The following FEZ1 variants were observed in gnomAD, a reference collection of about 807,000 sequenced individuals.
FEZ1 encodes fasciculation and elongation protein zeta-1.
A neutral mutation model predicts 49.3 loss-of-function variants in FEZ1; 20 were observed. The observed-to-expected ratio is 0.41, with a 90% CI of 0.29 to 0.59. FEZ1 has a LOEUF of 0.59. FEZ1 is among the 20% of genes least tolerant of loss of function. The pLI, the probability that FEZ1 is intolerant of heterozygous loss-of-function variation, is 0.36. For synonymous variants in FEZ1, 170 were observed against 180.9 expected, an observed-to-expected ratio of 0.94 and a Z score of 0.48; for missense variants, 413 against 476.0, an observed-to-expected ratio of 0.87 and a Z score of 1.23.
intron 7 of FEZ1, chr11:125,452,878 G>T (rs1956970700): frequency 6.5e-6 from 1 of 154,334 alleles, no homozygotes; most frequent in African/African-American, 2.4e-5. Context: ...CCAGCATCAG[G>T]GCCTAGTGGG....
intron 9 of FEZ1, among the ~76,000 whole-genome samples, chr11:125,447,618 T>C (rs1238718290): frequency 6.6e-6 from 1 of 152,124 alleles, no homozygotes; most frequent in Non-Finnish European, 1.5e-5. Flanking sequence ...AGTCAGGAGT[T>C]TGAGACCACC....
intron 5 of FEZ1, among the ~76,000 whole-genome samples, chr11:125,457,225 T>G (rs969006555): frequency 2.7e-5 from 4 of 148,490 alleles, no homozygotes; most frequent in Admixed American, 6.8e-5. Context: ...AATAAAAACT[T>G]TATACCCTTT....
In FEZ1 at chr11:125,489,317, G is replaced by C. The variant is rs1282436385; in HGVS notation, c.311+150C>G. ...TGTAAAGGGACATATATAGAGCTATGACAGCAAGTACCAGGGCACTGCTCC... is the reference window on the plus strand; with the variant it reads ...TGTAAAGGGACATATATAGAGCTATCACAGCAAGTACCAGGGCACTGCTCC... On this transcript the variant is annotated intron_variant, in intron 2 of 9. Coordinates refer to ENST00000278919, the MANE Select transcript of FEZ1 (RefSeq NM_005103.5). The surrounding 1 kb of genome is among the most constrained non-coding windows in gnomAD (Gnocchi z 4.2). 3 of 1,414,408 alleles carry C rather than the reference G, an allele frequency of 2.1e-6. No individual in the cohort carries two copies. Among genetic ancestry groups the C allele is most frequent in the Non-Finnish European group, 2.8e-6 (3 of 1,085,766 alleles). 87.6% of individuals were successfully genotyped at this position (1,414,408 alleles called of 1,614,324 possible). A position where few individuals can be genotyped will look rare whatever the true frequency, so the allele number is the denominator to read the frequency against.
intron 3 of FEZ1, among the ~76,000 whole-genome samples, chr11:125,470,938 A>T (rs1293997883): frequency 6.6e-6 from 1 of 152,202 alleles, no homozygotes; most frequent in African/African-American, 2.4e-5. Flanking sequence ...AATATATGAC[A>T]ATTATAGCAC....
chr11:125,484,283 G>GA (rs1371973274), intron 2 of FEZ1, among the ~76,000 whole-genome samples: 7 of 152,218 alleles, frequency 4.6e-5, no homozygotes, highest in Admixed American at 1.3e-4. Flanking sequence ...ATGCTAATGA[G>GA]AAAAAAATTG....
At chr11:125,487,512 G>C (rs1957336316) in intron 2 of FEZ1, among the ~76,000 whole-genome samples, 1 of 152,182 alleles carries the variant, frequency 6.6e-6, no homozygotes, top group African/African-American at 2.4e-5. Flanking sequence ...TAAACCCCCA[G>C]AGCCATTCTT....
intron 5 of FEZ1, 94 bp from the exon 6 acceptor site, chr11:125,456,200 G>T: frequency 8.3e-7 from 1 of 1,206,600 alleles, no homozygotes; most frequent in Non-Finnish European, 1.2e-6. Context: ...AGATGGGACT[G>T]CCCCTCAGAG....
intron 4 of FEZ1, among the ~76,000 whole-genome samples, chr11:125,461,605 T>TCAA (rs1246009662): frequency 1.3e-5 from 2 of 152,150 alleles, no homozygotes; most frequent in African/African-American, 4.8e-5. Flanking sequence ...AGATCCTGTT[T>TCAA]CAACAACAAC....
chr11:125,460,260 G>T, intron 5 of FEZ1: 1 of 421,550 alleles, frequency 2.4e-6, no homozygotes. Context: ...TTCTGCCTTA[G>T]TCTTGTTCTT....
intron 2 of FEZ1, among the ~76,000 whole-genome samples, chr11:125,484,697 A>G (rs981332116): frequency 4.6e-5 from 7 of 151,786 alleles, no homozygotes; most frequent in Non-Finnish European, 8.8e-5. Flanking sequence ...AAGAAAAAAA[A>G]AAAGAAACTG....
At chr11:125,471,943 C>G (rs1005919339) in intron 3 of FEZ1, among the ~76,000 whole-genome samples, 1 of 151,942 alleles carries the variant, frequency 6.6e-6, no homozygotes, top group African/African-American at 2.4e-5. Flanking sequence ...AATTAGAAAT[C>G]AATTTTTAAC....
At chr11:125,446,473 T>C (rs1401043422) in intron 9 of FEZ1, among the ~76,000 whole-genome samples, 6 of 152,212 alleles carry the variant, frequency 3.9e-5, no homozygotes, top group Non-Finnish European at 8.8e-5. Flanking sequence ...ATTAATCACT[T>C]GTACAAATTC....
intron 1 of FEZ1, among the ~76,000 whole-genome samples, chr11:125,493,369 A>G (rs1322406628): frequency 9.9e-5 from 3 of 30,220 alleles, no homozygotes. Context: ...GAGAAAAGAA[A>G]GAAAGAAAGA....
At position 125,489,897 on chromosome 11, in the gene FEZ1, C is replaced by A; in HGVS notation, c.-45-75G>T. ...TAATAGAGTTAACTTTAGAGACACACCTGCTTCCAATTCCCTACTCCAAAA... is the reference window on the plus strand; with the variant it reads ...TAATAGAGTTAACTTTAGAGACACAACTGCTTCCAATTCCCTACTCCAAAA... On this transcript the variant is annotated intron_variant, in intron 1 of 9. Coordinates refer to ENST00000278919, the MANE Select transcript of FEZ1 (RefSeq NM_005103.5). The surrounding 1 kb of genome is among the most constrained non-coding windows in gnomAD (Gnocchi z 4.2). The A allele has an allele frequency of 7.8e-7, 1 of 1,283,850 alleles. No individual in the cohort carries two copies. The highest frequency in any genetic ancestry group is 1.0e-6 in the Non-Finnish European group (1 of 983,484). The allele number at this position is 1,283,850 out of a possible 1,614,324, so 79.5% of individuals were successfully genotyped here. A position where few individuals can be genotyped will look rare whatever the true frequency, so the allele number is the denominator to read the frequency against.
At chr11:125,460,082 A>G (rs1403144664) in intron 5 of FEZ1, among the ~76,000 whole-genome samples, 1 of 152,096 alleles carries the variant, frequency 6.6e-6, no homozygotes, top group Non-Finnish European at 1.5e-5. Context: ...GGTGACAGAC[A>G]GAGAGAGACT....
rs547232851 is a variant in FEZ1, at chr11:125,445,875, G to T, written c.*220C>A. ...CCTTCCCCTCTCCTGACACCAGCAA[G>T]GGGGAGGCACCATCACCGGCCCTGC... is the stretch of plus-strand genomic sequence containing the variant. On this transcript the variant is annotated 3_prime_UTR_variant, in exon 10 of 10. Coordinates refer to ENST00000278919, the MANE Select transcript of FEZ1 (RefSeq NM_005103.5). This position sits in a 1 kb window ranked among gnomAD's most constrained non-coding sequence, Gnocchi z 4.4. 7 of 594,680 alleles carry T rather than the reference G, an allele frequency of 1.2e-5. No individual in the cohort carries two copies. The South Asian group carries it at 1.2e-4, about 10-fold the overall frequency. 36.8% of individuals were successfully genotyped at this position (594,680 alleles called of 1,614,324 possible). A position where few individuals can be genotyped will look rare whatever the true frequency, so the allele number is the denominator to read the frequency against.
intron 5 of FEZ1, among the ~76,000 whole-genome samples, chr11:125,456,620 T>C (rs1957013518): frequency 6.6e-6 from 1 of 152,164 alleles, no homozygotes; most frequent in Non-Finnish European, 1.5e-5. Flanking sequence ...TCGCAGTGCA[T>C]GTATTCAAAA....
intron 9 of FEZ1, 141 bp from the exon 10 acceptor site, chr11:125,446,252 A>C: frequency 1.3e-6 from 1 of 748,882 alleles, no homozygotes; most frequent in South Asian, 1.5e-5. Context: ...AGAATAAGGG[A>C]GAGACAATGG....
rs746056464 is a variant in FEZ1, at chr11:125,489,534, C to T, written c.244G>A (p.Glu82Lys). 6.2e-7 allele frequency: 1 copy of T among 1,614,096 alleles called. No homozygotes were observed. The highest frequency in any genetic ancestry group is 1.7e-5 in the Admixed American group (1 of 60,022). The change falls in exon 2 of 10, where the codon GAG (glutamate) becomes AAG (lysine). Residue 82 changes from glutamate to lysine, a missense_variant. Physicochemically the swap from Glu to Lys is moderately conservative, Grantham distance 56. Transcript: ENST00000278919. This position sits in a 1 kb window ranked among gnomAD's most constrained non-coding sequence, Gnocchi z 4.2. ...VCFRNYNAKT[E>K]NLAPVKNQLQ... ...TGGTTCTTCACGGGAGCTAGGTTCT[C>T]GGTCTTGGCGTTGTAGTTCCGAAAG...
Sources: allele counts gnomAD v4.1 joint callset (sites outside exome capture counted in the v4.1 genomes callset), GRCh38; gene constraint gnomAD v4.1.1; non-coding constraint Gnocchi (gnomAD v3.1); transcripts MANE v1.5; gene names NCBI Gene and HGNC (gene_info 2026-07-23, HGNC 2026-07-21).